Variants in CRIM1 observed in about 807,000 individuals in gnomAD.
CRIM1 encodes the protein cysteine rich transmembrane BMP regulator 1, also known as cysteine-rich motor neuron 1 protein.
CRIM1 carries 32 observed loss-of-function variants against 116.4 expected under a neutral mutation model. The ratio of observed to expected loss-of-function variants is 0.27; its 90% CI spans 0.21 to 0.37. The LOEUF is 0.37. Among genes scored for constraint, CRIM1 ranks in the 10% least tolerant of loss-of-function variants. CRIM1 has a pLI of 1.00. For missense variants in CRIM1, 1,331 were observed against 1,354.8 expected, an observed-to-expected ratio of 0.98 and a Z score of 0.28; for synonymous variants, 590 against 509.2, an observed-to-expected ratio of 1.16 and a Z score of -2.13.
At chr2:36,521,388 T>A (rs1055378402) in intron 12 of CRIM1, among the ~76,000 whole-genome samples, 1 of 152,218 alleles carries the variant, frequency 6.6e-6, no homozygotes, top group African/African-American at 2.4e-5. Flanking sequence ...GGTAGTCTGG[T>A]ACAATGAGAA....
chr2:36,464,492 T>C, intron 4 of CRIM1, 42 bp from the exon 5 acceptor site: 1 of 1,611,706 alleles, frequency 6.2e-7, no homozygotes. Flanking sequence ...TCTATGTTGT[T>C]GTTTATTCAT....
chr2:36,453,096 A>G (rs1676862825), intron 4 of CRIM1, among the ~76,000 whole-genome samples: 1 of 152,224 alleles, frequency 6.6e-6, no homozygotes, highest in African/African-American at 2.4e-5. Flanking sequence ...CAAATCACGG[A>G]ATATATTTTA....
In CRIM1 at chr2:36,510,079, G is replaced by A. The variant is rs147714435; in HGVS notation, c.1598G>A (p.Arg533His). ...CAAAACTGTGAGATCTGTGAGTGCC[G>A]CCCAAGGCCCAAGAAGTGCAGACCC... ...DAQNCEICEC[R>H]PRPKKCRPII... Residue 533 changes from arginine to histidine, a missense_variant, in exon 9 of 17, where the codon CGC becomes CAC. Physicochemically the swap from Arg to His is conservative, Grantham distance 29. Around this residue, in one of 3 missense-constraint regions of CRIM1, gnomAD observed 358 missense variants for 436.1 expected, o/e 0.82. Transcript: ENST00000280527. The A allele has an allele frequency of 9.3e-4, 1,499 of 1,614,068 alleles. 2 individuals carry two copies. The highest frequency in any genetic ancestry group is 1.2e-3 in the Non-Finnish European group (1,371 of 1,179,980).
intron 1 of CRIM1, among the ~76,000 whole-genome samples, chr2:36,387,635 C>A (rs1558526546): frequency 6.6e-6 from 1 of 152,202 alleles, no homozygotes; most frequent in Non-Finnish European, 1.5e-5. Flanking sequence ...GCATTAAATA[C>A]CTACCTTGGT....
At chr2:36,374,549 A>G (rs1162872980) in intron 1 of CRIM1, among the ~76,000 whole-genome samples, 3 of 152,128 alleles carry the variant, frequency 2.0e-5, no homozygotes, top group African/African-American at 7.2e-5. Context: ...TATATCAAAT[A>G]CATTGTCCTA....
intron 16 of CRIM1, among the ~76,000 whole-genome samples, chr2:36,548,134 A>G (rs1208173310): frequency 1.3e-5 from 2 of 152,198 alleles, no homozygotes; most frequent in Non-Finnish European, 2.9e-5. Context: ...GGCCCAGCCT[A>G]TGATAGTGTT....
At chr2:36,527,007 G>A (rs1665803086) in intron 13 of CRIM1, among the ~76,000 whole-genome samples, 2 of 152,108 alleles carry the variant, frequency 1.3e-5, no homozygotes, top group Admixed American at 1.3e-4. Context: ...TTATGACTTG[G>A]CAAGTATTTG....
At chr2:36,401,181 C>T (rs148794157) in intron 2 of CRIM1, among the ~76,000 whole-genome samples, 53 of 152,220 alleles carry the variant, frequency 3.5e-4, no homozygotes, top group African/African-American at 1.3e-3. Flanking sequence ...GAAAAAGTTC[C>T]TGTGTATTAC....
intron 14 of CRIM1, among the ~76,000 whole-genome samples, chr2:36,540,507 AGTCAAGGCCGGTGCCTCTAAG>A (rs373447050): frequency 0.02 from 2,986 of 152,280 alleles, 60 homozygotes; most frequent in South Asian, 0.086. Flanking sequence ...AGATGGGAAA[AGTCAAGGCCGGTGCCTCTAAG>A]GTCAAGGCCA....
intron 2 of CRIM1, among the ~76,000 whole-genome samples, chr2:36,413,072 A>G (rs978996667): frequency 6.6e-6 from 1 of 152,218 alleles, no homozygotes; most frequent in Non-Finnish European, 1.5e-5. Context: ...ACTTACTGGC[A>G]TTTGGGAGGG....
chr2:36,531,552 G>A (rs1666122971), intron 13 of CRIM1, among the ~76,000 whole-genome samples: 1 of 152,078 alleles, frequency 6.6e-6, no homozygotes, highest in Admixed American at 6.5e-5. Context: ...TTCCCTAGCT[G>A]TTAATTAGTT....
intron 2 of CRIM1, among the ~76,000 whole-genome samples, chr2:36,409,051 T>C (rs1673022190): frequency 6.6e-6 from 1 of 151,814 alleles, no homozygotes; most frequent in South Asian, 2.1e-4. Context: ...AGAGTTTTAA[T>C]TAAAAAAGAA....
intron 2 of CRIM1, among the ~76,000 whole-genome samples, chr2:36,413,768 G>T (rs1029904678): frequency 1.6e-4 from 24 of 152,144 alleles, no homozygotes; most frequent in Non-Finnish European, 2.1e-4. Context: ...GCTGGCTAAA[G>T]ATGTTTCTTC....
At chr2:36,405,876 T>C (rs540268018) in intron 2 of CRIM1, among the ~76,000 whole-genome samples, 167 of 152,370 alleles carry the variant, frequency 1.1e-3, no homozygotes, top group African/African-American at 3.8e-3. Flanking sequence ...TTTCATATTA[T>C]ACAGGACCTC....
intron 2 of CRIM1, among the ~76,000 whole-genome samples, chr2:36,416,141 G>A (rs1306346506): frequency 1.3e-5 from 2 of 152,108 alleles, no homozygotes; most frequent in African/African-American, 4.8e-5. Flanking sequence ...CTGGGAGGTG[G>A]AGGTTACAGT....
rs930010756 is a variant in CRIM1 at position 36,477,191 on chromosome 2, C to G, written c.1174+120C>G. ...AGGAATATTGAAGTTCCTTTTTTAG[C>G]CTTTTTTAAGACACCATGGTCTGTC... is the stretch of plus-strand genomic sequence containing the variant. On this transcript the variant is annotated intron_variant, in intron 6 of 16. Coordinates refer to ENST00000280527, the MANE Select transcript of CRIM1 (RefSeq NM_016441.3). 21 of 813,982 alleles carry G rather than the reference C, an allele frequency of 2.6e-5. No individual in the cohort carries two copies. In the Admixed American group the frequency reaches 4.4e-4, roughly 17 times the overall value. 50.4% of individuals were successfully genotyped at this position (813,982 alleles called of 1,614,324 possible).
At chr2:36,537,019 C>G (rs1010230276) in intron 13 of CRIM1, among the ~76,000 whole-genome samples, 3 of 152,168 alleles carry the variant, frequency 2.0e-5, no homozygotes, top group African/African-American at 7.2e-5. Flanking sequence ...ACAGGAACTT[C>G]TTGAATCCAT....
chr2:36,520,638 G>A (rs1665325235), intron 12 of CRIM1, among the ~76,000 whole-genome samples: 1 of 152,196 alleles, frequency 6.6e-6, no homozygotes, highest in Admixed American at 6.5e-5. Flanking sequence ...CTAGTCATAG[G>A]AGATACAGTT....
chr2:36,537,247 A>C, intron 13 of CRIM1, 105 bp from the exon 14 acceptor site: 1 of 1,077,978 alleles, frequency 9.3e-7, no homozygotes, highest in Non-Finnish European at 1.4e-6. Context: ...AGAAGTCCTA[A>C]AGCATACTGT....
Sources: gnomAD v4.1 joint callset for allele counts (sites outside exome capture counted in the v4.1 genomes callset) on GRCh38, gnomAD v4.1.1 for gene constraint, gnomAD v4.1.1 regional missense constraint, MANE v1.5 for transcripts, NCBI Gene and HGNC (gene_info 2026-07-23, HGNC 2026-07-21) for gene names.